The following DOK5 variants were observed in gnomAD, a reference collection of about 807,000 sequenced individuals.
The protein encoded by DOK5 is downstream of tyrosine kinase 5.
DOK5 carries 27 observed loss-of-function variants against 43.3 expected under a neutral mutation model. That is an observed-to-expected ratio of 0.62 (90% CI 0.46 to 0.86). The LOEUF (loss-of-function observed/expected upper bound fraction) is 0.86, where lower values mean the gene tolerates loss of function less well. Ranked by LOEUF, DOK5 falls within the 40% of genes least tolerant of loss-of-function variation. The probability of loss-of-function intolerance (pLI) is 0.00; values close to 1 mark genes in which losing one functional copy is unlikely to be tolerated. For missense variants in DOK5, 373 were observed against 392.9 expected (o/e 0.95, Z 0.43); for synonymous variants, 146 against 140.1 (o/e 1.04, Z -0.30).
intron 2 of DOK5, among the ~76,000 whole-genome samples, chr20:54,579,701 G>T (rs1229090592): frequency 1.3e-5 from 2 of 151,988 alleles, no homozygotes; most frequent in Non-Finnish European, 1.5e-5. Flanking sequence ...TGTTTTCAAG[G>T]TTCATCCGTG....
At chr20:54,486,266 G>A (rs1891471121) in intron 1 of DOK5, among the ~76,000 whole-genome samples, 2 of 151,918 alleles carry the variant, frequency 1.3e-5, no homozygotes, top group East Asian at 1.9e-4. Flanking sequence ...GCATTTTCAT[G>A]TCTTCGCCTG....
At chr20:54,571,105 T>C (rs1432525417) in intron 2 of DOK5, among the ~76,000 whole-genome samples, 1 of 152,256 alleles carries the variant, frequency 6.6e-6, no homozygotes, top group Non-Finnish European at 1.5e-5. Flanking sequence ...TAGGAGAGTG[T>C]TGAGTATTTC....
chr20:54,616,086 C>T (rs1027930020), intron 6 of DOK5, among the ~76,000 whole-genome samples: 2 of 152,072 alleles, frequency 1.3e-5, no homozygotes, highest in Admixed American at 1.3e-4. Context: ...CCATAGAAAA[C>T]TAATATAATA....
intron 1 of DOK5, among the ~76,000 whole-genome samples, chr20:54,512,015 G>A (rs974271598): frequency 6.6e-6 from 1 of 152,112 alleles, no homozygotes; most frequent in African/African-American, 2.4e-5. Context: ...TTGAACCTGT[G>A]GCTGTGTCTA....
intron 5 of DOK5, among the ~76,000 whole-genome samples, chr20:54,605,885 C>T (rs941156136): frequency 6.6e-6 from 1 of 152,176 alleles, no homozygotes; most frequent in African/African-American, 2.4e-5. Context: ...CTCTACATAT[C>T]CTATTTAATA....
intron 6 of DOK5, among the ~76,000 whole-genome samples, chr20:54,638,752 CTTTTTTTTT>C (rs11476340): frequency 5.1e-5 from 5 of 98,534 alleles, no homozygotes; most frequent in Non-Finnish European, 8.4e-5. Context: ...CTTTTCTTTT[CTTTTTTTTT>C]TTTTTTTTTT....
At chr20:54,608,494 T>C (rs1303190934) in intron 5 of DOK5, among the ~76,000 whole-genome samples, 1 of 152,178 alleles carries the variant, frequency 6.6e-6, no homozygotes, top group African/African-American at 2.4e-5. Context: ...TATTTTAAGA[T>C]GTCTTCAGGG....
intron 5 of DOK5, among the ~76,000 whole-genome samples, chr20:54,600,575 C>T (rs529519897): frequency 6.6e-6 from 1 of 152,202 alleles, no homozygotes; most frequent in African/African-American, 2.4e-5. Flanking sequence ...GTTATCTTCT[C>T]CCTGTGGAAT....
At chr20:54,606,425 G>A (rs1240867328) in intron 5 of DOK5, among the ~76,000 whole-genome samples, 2 of 152,220 alleles carry the variant, frequency 1.3e-5, no homozygotes, top group Non-Finnish European at 2.9e-5. Context: ...AGCAACAGAA[G>A]TTAAAGCAGG....
intron 6 of DOK5, among the ~76,000 whole-genome samples, chr20:54,631,852 G>C (rs1852906757): frequency 6.6e-6 from 1 of 152,076 alleles, no homozygotes; most frequent in Admixed American, 6.5e-5. Flanking sequence ...CGTGCCTGTA[G>C]TCCCAGCTAC....
chr20:54,503,041 T>C (rs1278042716), intron 1 of DOK5, among the ~76,000 whole-genome samples: 1 of 152,106 alleles, frequency 6.6e-6, no homozygotes, highest in African/African-American at 2.4e-5. Context: ...GTGTAAGAAG[T>C]GGGGGTAAGA....
At chr20:54,610,123 CT>C (rs962012816) in intron 5 of DOK5, among the ~76,000 whole-genome samples, 1 of 151,952 alleles carries the variant, frequency 6.6e-6, no homozygotes, top group African/African-American at 2.4e-5. Context: ...CAAGAAACAG[CT>C]TTTTTTTAAA....
chr20:54,543,702 T>C (rs1238375944), intron 1 of DOK5, among the ~76,000 whole-genome samples: 1 of 152,134 alleles, frequency 6.6e-6, no homozygotes, highest in Admixed American at 6.6e-5. Flanking sequence ...TGAGTGTATA[T>C]GTATATAAAC....
At chr20:54,622,548 C>G (rs1283898430) in intron 6 of DOK5, among the ~76,000 whole-genome samples, 1 of 152,206 alleles carries the variant, frequency 6.6e-6, no homozygotes, top group Admixed American at 6.5e-5. Context: ...TTGGTTGACT[C>G]GTGGCTATGC....
intron 6 of DOK5, among the ~76,000 whole-genome samples, chr20:54,623,755 A>G (rs1227644473): frequency 6.6e-6 from 1 of 151,726 alleles, no homozygotes; most frequent in South Asian, 2.1e-4. Context: ...AATTTTTTGT[A>G]TTTTTAGTAG....
chr20:54,648,208 T>C (rs779532493), intron 7 of DOK5, among the ~76,000 whole-genome samples: 15 of 152,238 alleles, frequency 9.9e-5, no homozygotes, highest in Non-Finnish European at 1.9e-4. Context: ...CTTTGTTTAC[T>C]CAGTAAACGT....
intron 5 of DOK5, among the ~76,000 whole-genome samples, chr20:54,597,839 A>G (rs1986188867): frequency 6.6e-6 from 1 of 152,242 alleles, no homozygotes; most frequent in African/African-American, 2.4e-5. Flanking sequence ...AGGGAGAGAA[A>G]GCATGCTTAC....
intron 1 of DOK5, among the ~76,000 whole-genome samples, chr20:54,484,013 A>G (rs1442348460): frequency 6.6e-6 from 1 of 152,196 alleles, no homozygotes; most frequent in Non-Finnish European, 1.5e-5. Context: ...TGCAGCTTGT[A>G]TGAGATTCTT....
At chr20:54,615,214 C>T (rs990725466) in intron 6 of DOK5, among the ~76,000 whole-genome samples, 5 of 152,126 alleles carry the variant, frequency 3.3e-5, no homozygotes, top group Non-Finnish European at 7.3e-5. Context: ...GCCTTATGAC[C>T]CTCAATCCCA....
Sources: gnomAD v4.1 joint callset for allele counts (sites outside exome capture counted in the v4.1 genomes callset) on GRCh38, gnomAD v4.1.1 for gene constraint, MANE v1.5 for transcripts, NCBI Gene and HGNC (gene_info 2026-07-23, HGNC 2026-07-21) for gene names.